UNC45B: variants seen among roughly 807,000 people sequenced by gnomAD.
UNC45B encodes protein unc-45 homolog B.
Under a neutral mutation model 98.7 loss-of-function variants are expected in UNC45B, and 78 were observed. That is an observed-to-expected ratio of 0.79 (90% confidence interval 0.66 to 0.95). The LOEUF is 0.95. Among genes scored for constraint, UNC45B ranks in the 40% least tolerant of loss-of-function variants. The pLI, the probability that UNC45B is intolerant of heterozygous loss-of-function variation, is 0.00. For synonymous variants in UNC45B, 462 were observed against 480.4 expected, an observed-to-expected ratio of 0.96 and a Z score of 0.50; for missense variants, 1,225 against 1,184.9, an observed-to-expected ratio of 1.03 and a Z score of -0.50.
At chr17:35,173,271 A>C (rs1384141657) in intron 13 of UNC45B, among the ~76,000 whole-genome samples, 3 of 151,866 alleles carry the variant, frequency 2.0e-5, no homozygotes, top group Non-Finnish European at 4.4e-5. Flanking sequence ...GATTATAGAC[A>C]CGCTCCACCA....
At chr17:35,152,838 CT>C in intron 4 of UNC45B, 54 bp from the exon 5 acceptor site, 1 of 1,336,090 alleles carries the variant, frequency 7.5e-7, no homozygotes, top group Non-Finnish European at 1.1e-6. Flanking sequence ...GAATGTGGAG[CT>C]GAAATGACGT....
intron 2 of UNC45B, 38 bp from the exon 3 acceptor site, chr17:35,148,935 A>G: frequency 1.2e-6 from 2 of 1,613,754 alleles, no homozygotes; most frequent in Non-Finnish European, 8.5e-7. Context: ...CATTGGGCCC[A>G]CATTAACCGA....
At chr17:35,171,747 A>G (rs1035434918) in intron 13 of UNC45B, among the ~76,000 whole-genome samples, 5 of 152,240 alleles carry the variant, frequency 3.3e-5, no homozygotes, top group African/African-American at 1.2e-4. Flanking sequence ...TGTTGATTTT[A>G]TGGATAAAAG....
chr17:35,150,109 C>G lies in UNC45B; in HGVS notation c.267C>G (p.His89Gln). 6.2e-7 allele frequency: 1 copy of G among 1,613,634 alleles called. No homozygotes were observed. Among genetic ancestry groups the G allele is most frequent in the Non-Finnish European group, 8.5e-7 (1 of 1,179,774 alleles). ...ALYRRCQALE[H>Q]LGKLDQAFKD... The stretch of plus-strand genomic sequence containing the variant: ...ATCGGCGATGCCAGGCACTGGAGCA[C>G]CTGGGGAAGCTGGACCAGGCCTTCA... Residue 89 changes from histidine (H) to glutamine (Q), a missense_variant, in exon 4 of 20, where the codon CAC (histidine) becomes CAG (glutamine). Physicochemically the swap from His to Gln is conservative, Grantham distance 24. Transcript: ENST00000394570.
At chr17:35,176,465 C>T (rs191999060) in intron 15 of UNC45B, among the ~76,000 whole-genome samples, 3 of 152,252 alleles carry the variant, frequency 2.0e-5, no homozygotes, top group African/African-American at 7.2e-5. Context: ...ATGGTAGGTG[C>T]TCAATAGATG....
rs372047521 is a variant in UNC45B, at chr17:35,175,944, T to A, written c.1959-24T>A. The A allele has an allele frequency of 6.8e-6, 11 of 1,611,950 alleles. No individual in the cohort carries two copies. In the African/African-American group the frequency reaches 1.5e-4, roughly 22 times the overall value. Reference sequence around the variant, plus strand: ...GAAGGTGTGCTGGTGTATTAACTGTTCTCCTTTCTTCTCGGTCCCACAGGG... The same window carrying A: ...GAAGGTGTGCTGGTGTATTAACTGTACTCCTTTCTTCTCGGTCCCACAGGG... On this transcript the variant is annotated intron_variant, in intron 14 of 19. Transcript: ENST00000394570.
chr17:35,148,876 C>T (rs1466998982), intron 2 of UNC45B, 97 bp from the exon 3 acceptor site: 1 of 1,485,988 alleles, frequency 6.7e-7, no homozygotes, highest in African/African-American at 1.4e-5. Context: ...TGCAGCTCCC[C>T]CAGGAAACCC....
chr17:35,155,426 AGC>A lies in UNC45B; in HGVS notation c.772_773del (p.Arg258GlyfsTer47), dbSNP rs1450531975. The stretch of plus-strand genomic sequence containing the variant: ...ATTGACTCCTTGTCTGGGGAGGACA[AGC>A]GGGAGCATCGAGGGAAGGAGGAGGC... On this transcript the variant is annotated frameshift_variant, in exon 7 of 20. Transcript: ENST00000394570. LOFTEE classifies it high-confidence loss of function. The A allele has an allele frequency of 6.2e-7, 1 of 1,614,214 alleles. No homozygotes were observed.
chr17:35,153,396 T>C (rs906178661), intron 5 of UNC45B, among the ~76,000 whole-genome samples: 5 of 152,226 alleles, frequency 3.3e-5, no homozygotes, highest in Non-Finnish European at 5.9e-5. Flanking sequence ...TAAAATAACA[T>C]TTTATTTCAT....
intron 17 of UNC45B, among the ~76,000 whole-genome samples, chr17:35,177,869 CTTTCT>C (rs1287610301): frequency 2.1e-5 from 3 of 145,958 alleles, no homozygotes; most frequent in African/African-American, 7.6e-5. Flanking sequence ...CTTCTCTTTT[CTTTCT>C]TTTCTTTTCT....
In UNC45B at chr17:35,183,216, G is replaced by A. The variant is rs7215469; in HGVS notation, c.2374-211G>A. On this transcript the variant is annotated intron_variant, in intron 18 of 19. Transcript: ENST00000394570. ...ACAGAGGTGGTGAAGCACACTAGAT[G>A]GGGAATTCCTTATTTTCTTTACTTG... 0.23 allele frequency among the ~76,000 whole-genome samples: 33,806 copies of A among 148,692 alleles called. 4,336 individuals carry two copies. Among genetic ancestry groups the A allele is most frequent in the Non-Finnish European group, 0.29 (19,485 of 67,310 alleles).
Position 35,177,128 on chromosome 17 carries a change from C to G in UNC45B, c.2137C>G (p.Arg713Gly), listed in dbSNP as rs141654082. The G allele has an allele frequency of 1.2e-3, 1,858 of 1,613,738 alleles. 2 individuals carry two copies. Among genetic ancestry groups the G allele is most frequent in the Non-Finnish European group, 1.4e-3 (1,644 of 1,179,782 alleles). ...TCCGGACATTGCTTTTCCTGGGGAG[C>G]GGGTAGGTGCTTGGGTAGATGGGAT... ...SNPDIAFPGE[R>G]VYEVVRPLVR... Residue 713 changes from arginine (R) to glycine (G), a missense_variant and splice_region_variant, in exon 16 of 20, where the codon CGG (arginine) becomes GGG (glycine). Arg to Gly is a moderately radical substitution (Grantham distance 125). Transcript: ENST00000394570.
rs2092051081 is a variant in UNC45B, at chr17:35,155,289, G to A, written c.640-7G>A. 6.2e-7 allele frequency: 1 copy of A among 1,613,330 alleles called. No individual in the cohort carries two copies. Among genetic ancestry groups the A allele is most frequent in the South Asian group, 1.1e-5 (1 of 91,036 alleles). On this transcript the variant is annotated splice_polypyrimidine_tract_variant and splice_region_variant and intron_variant, in intron 6 of 19. Transcript: ENST00000394570. ...GCAGCTGACCATGGTTCTTGCTGGGGTTCTAGGCCACAGTGATTCTGCATG... is the reference window on the plus strand; with the variant it reads ...GCAGCTGACCATGGTTCTTGCTGGGATTCTAGGCCACAGTGATTCTGCATG...
intron 12 of UNC45B, among the ~76,000 whole-genome samples, chr17:35,170,575 C>A (rs2092178085): frequency 6.6e-6 from 1 of 150,688 alleles, no homozygotes; most frequent in Admixed American, 6.6e-5. Flanking sequence ...GTAGCACGTG[C>A]CTGTAATTCC....
intron 14 of UNC45B, 115 bp downstream of exon 14, chr17:35,174,484 A>G (rs1597927463): frequency 4.9e-6 from 7 of 1,423,164 alleles, no homozygotes; most frequent in East Asian, 2.4e-5. Context: ...GAGATAAACT[A>G]TTGGGAAAGC....
intron 8 of UNC45B, among the ~76,000 whole-genome samples, 167 bp downstream of exon 8, chr17:35,159,712 G>T (rs935241667): frequency 2.8e-4 from 43 of 152,140 alleles, no homozygotes; most frequent in Non-Finnish European, 1.5e-4. Context: ...CTGTGAAGGT[G>T]CAGGTCAAGG....
rs531045437 is a variant in UNC45B at position 35,162,595 on chromosome 17, CT to C, written c.980-1389del. The stretch of plus-strand genomic sequence containing the variant: ...TGAGCCACCAAGCCACTTCCAGGCA[CT>C]TTTTTTTTTTGAGACAGAGTTTTGC... On this transcript the variant is annotated intron_variant, in intron 8 of 19. Coordinates refer to ENST00000394570, the MANE Select transcript of UNC45B (RefSeq NM_001267052.2). Among the ~76,000 whole-genome samples, 376 of 147,878 alleles carry C rather than the reference CT, an allele frequency of 2.5e-3. 1 individual carries two copies. Among genetic ancestry groups the C allele is most frequent in the African/African-American group, 8.6e-3 (348 of 40,466 alleles).
chr17:35,186,364 G>C lies in UNC45B; in HGVS notation c.2595G>C (p.Arg865=), dbSNP rs1597942031. ...ACGACCAGCTGTCTGTCCAACACCG[G>C]GGCCTGGTCATTGCCTACAACCTAC... ...CLHDQLSVQH[R]GLVIAYNLLA... Residue 865 remains arginine (R), a synonymous_variant, in exon 20 of 20, where the codon CGG becomes CGC. Transcript: ENST00000394570. The C allele has an allele frequency of 1.9e-6, 3 of 1,614,062 alleles. No homozygotes were observed. In the African/African-American group the frequency reaches 4.0e-5, roughly 22 times the overall value.
intron 10 of UNC45B, among the ~76,000 whole-genome samples, chr17:35,169,121 C>G (rs1409699652): frequency 6.6e-6 from 1 of 152,130 alleles, no homozygotes. Context: ...CTTACTGCAA[C>G]CACCGCCTCC....
Sources: allele counts gnomAD v4.1 joint callset (sites outside exome capture counted in the v4.1 genomes callset), GRCh38; gene constraint gnomAD v4.1.1; transcripts MANE v1.5; gene names NCBI Gene and HGNC (gene_info 2026-07-23, HGNC 2026-07-21).